DAB1: variants seen among roughly 807,000 people sequenced by gnomAD.
The protein encoded by DAB1 is disabled homolog 1.
In DAB1, 15 loss-of-function variants were observed where a neutral mutation model predicts 64.6. That is an observed-to-expected ratio of 0.23 (90% CI 0.16 to 0.36). The LOEUF (loss-of-function observed/expected upper bound fraction) is 0.36. DAB1 is among the 10% of genes least tolerant of loss of function. The pLI is 1.00. For synonymous variants in DAB1, 235 were observed against 251.9 expected (o/e 0.93, Z 0.64); for missense variants, 596 against 706.7 (o/e 0.84, Z 1.78).
chr1:57,377,298 C>T (rs1680983813), intron 1 of DAB1, among the ~76,000 whole-genome samples: 1 of 150,032 alleles, frequency 6.7e-6, no homozygotes, highest in Non-Finnish European at 1.5e-5. Flanking sequence ...AAAGAAAAGG[C>T]AGGCCACTGA....
At chr1:57,940,312 T>G (rs1645084774) in intron 5 of DAB1, among the ~76,000 whole-genome samples, 1 of 152,154 alleles carries the variant, frequency 6.6e-6, no homozygotes, top group South Asian at 2.1e-4. Flanking sequence ...AATTAGAAAT[T>G]TCAAGGAAGA....
intron 5 of DAB1, among the ~76,000 whole-genome samples, chr1:58,134,681 C>T (rs1010601395): frequency 1.3e-5 from 2 of 152,144 alleles, no homozygotes; most frequent in African/African-American, 4.8e-5. Flanking sequence ...GTGATACACA[C>T]TTTTTAAACA....
Position 57,274,828 on chromosome 1 carries a change from C to T in DAB1, c.67+16136G>A, listed in dbSNP as rs189044625. Among the ~76,000 whole-genome samples the T allele has an allele frequency of 8.0e-4, 122 of 152,032 alleles. 2 individuals carry two copies. In the East Asian group the frequency reaches 0.012, roughly 15 times the overall value. ...AGCTCCTGACCTCAGGTGATCTGCC[C>T]GCCTTGGCCTCCCAAAGAGCTGGGA... On this transcript the variant is annotated intron_variant, in intron 2 of 14. Coordinates refer to ENST00000371236, the MANE Select transcript of DAB1 (RefSeq NM_001365792.1).
At chr1:57,682,023 A>T (rs1646641738) in intron 6 of DAB1, among the ~76,000 whole-genome samples, 1 of 152,060 alleles carries the variant, frequency 6.6e-6, no homozygotes, top group Non-Finnish European at 1.5e-5. Flanking sequence ...GCTTCCGAAC[A>T]TCTCATTCTG....
intron 5 of DAB1, among the ~76,000 whole-genome samples, chr1:57,993,159 A>G (rs1374865939): frequency 1.3e-5 from 2 of 152,160 alleles, no homozygotes; most frequent in African/African-American, 4.8e-5. Context: ...ATTTAGGGTG[A>G]TTTCCAGCTA....
intron 1 of DAB1, among the ~76,000 whole-genome samples, chr1:57,339,371 T>C (rs1022947103): frequency 1.3e-5 from 2 of 152,162 alleles, no homozygotes; most frequent in African/African-American, 4.8e-5. Context: ...TTAGCCAGGA[T>C]GGTCTCGATC....
chr1:58,513,594 G>C (rs1646114820), intron 2 of DAB1, among the ~76,000 whole-genome samples: 1 of 152,092 alleles, frequency 6.6e-6, no homozygotes, highest in Non-Finnish European at 1.5e-5. Flanking sequence ...GAAATACTTT[G>C]GTCCTAGAAT....
At chr1:58,089,593 T>C (rs1214038877) in intron 5 of DAB1, among the ~76,000 whole-genome samples, 1 of 152,220 alleles carries the variant, frequency 6.6e-6, no homozygotes, top group African/African-American at 2.4e-5. Context: ...CATCCTGGCT[T>C]GGTTTCTAAA....
intron 2 of DAB1, among the ~76,000 whole-genome samples, chr1:57,164,520 G>A (rs1057356308): frequency 2.6e-5 from 4 of 152,082 alleles, no homozygotes; most frequent in Non-Finnish European, 2.9e-5. Flanking sequence ...ACCAATCCAA[G>A]CTGTGTTGAT....
At chr1:57,857,717 C>T (rs968373819) in intron 1 of DAB1, among the ~76,000 whole-genome samples, 6 of 151,962 alleles carry the variant, frequency 3.9e-5, no homozygotes, top group African/African-American at 1.5e-4. Context: ...AGCTGTGCAT[C>T]AGGTACTATG....
At chr1:58,394,498 T>C (rs1644502639) in intron 3 of DAB1, among the ~76,000 whole-genome samples, 1 of 152,194 alleles carries the variant, frequency 6.6e-6, no homozygotes, top group African/African-American at 2.4e-5. Context: ...GTTAAATAAA[T>C]TGCAGTACAT....
At chr1:57,806,486 G>A (rs1202747032) in intron 6 of DAB1, among the ~76,000 whole-genome samples, 1 of 152,130 alleles carries the variant, frequency 6.6e-6, no homozygotes, top group Non-Finnish European at 1.5e-5. Context: ...CCAAGGCAAC[G>A]ACTGGCCACA....
chr1:57,407,534 T>C (rs1683740533), intron 1 of DAB1, among the ~76,000 whole-genome samples: 1 of 152,194 alleles, frequency 6.6e-6, no homozygotes, highest in Non-Finnish European at 1.5e-5. Context: ...GGCATGTCAC[T>C]GTGTACCAGG....
chr1:57,802,113 G>A (rs1651155897), intron 6 of DAB1, among the ~76,000 whole-genome samples: 1 of 152,156 alleles, frequency 6.6e-6, no homozygotes, highest in Non-Finnish European at 1.5e-5. Context: ...GGTGCAAAAA[G>A]AGCCAAAAAG....
intron 1 of DAB1, among the ~76,000 whole-genome samples, chr1:57,354,553 G>T (rs896603305): frequency 6.6e-6 from 1 of 152,052 alleles, no homozygotes; most frequent in Non-Finnish European, 1.5e-5. Flanking sequence ...TAGGATGTAC[G>T]CTATACACTT....
At chr1:57,260,564 A>G (rs1163788433) in intron 2 of DAB1, among the ~76,000 whole-genome samples, 1 of 152,196 alleles carries the variant, frequency 6.6e-6, no homozygotes. Flanking sequence ...ACTGCCTGTT[A>G]AGAGTCAATG....
chr1:57,636,114 C>A (rs12079555), intron 7 of DAB1, among the ~76,000 whole-genome samples: 54,936 of 121,446 alleles, frequency 0.45, 13,663 homozygotes, highest in East Asian at 0.64. Context: ...AAAAAAAAAA[C>A]AAAAACAAAA....
intron 4 of DAB1, among the ~76,000 whole-genome samples, chr1:58,176,263 G>T (rs115553568): frequency 0.011 from 1,735 of 152,198 alleles, 36 homozygotes; most frequent in African/African-American, 0.04. Context: ...AACAGATAAA[G>T]TACAGACTGG....
At position 57,748,283 on chromosome 1, in the gene DAB1, G is replaced by A. The variant is rs559100472; in HGVS notation, n.552-98618C>T. ...TTCTGCCATAGAGAGGCAGAATATTGCAGTCCTTAAGCCCATGAGGCCAGA... is the reference window on the plus strand; with the variant it reads ...TTCTGCCATAGAGAGGCAGAATATTACAGTCCTTAAGCCCATGAGGCCAGA... On this transcript the variant is annotated intron_variant and non_coding_transcript_variant, in intron 6 of 20. Transcript: ENST00000485760. Among the ~76,000 whole-genome samples, 8 of 152,260 alleles carry A rather than the reference G, an allele frequency of 5.3e-5. No individual in the cohort carries two copies. The South Asian group carries it at 1.7e-3, about 32-fold the overall frequency.
Sources: gnomAD v4.1 joint callset for allele counts (sites outside exome capture counted in the v4.1 genomes callset) on GRCh38, gnomAD v4.1.1 for gene constraint, MANE v1.5 for transcripts, NCBI Gene and HGNC (gene_info 2026-07-23, HGNC 2026-07-21) for gene names.